ARHGAP26: variants seen among roughly 807,000 people sequenced by gnomAD.
The protein encoded by ARHGAP26 is rho GTPase-activating protein 26.
A neutral mutation model predicts 104.8 loss-of-function variants in ARHGAP26; 38 were observed. That is an observed-to-expected ratio of 0.36 (90% CI 0.28 to 0.48). The LOEUF (loss-of-function observed/expected upper bound fraction) is 0.48. Ranked by LOEUF, ARHGAP26 falls within the 20% of genes least tolerant of loss-of-function variation. ARHGAP26 has a pLI of 0.99. For missense variants in ARHGAP26, 704 were observed against 947.9 expected, an observed-to-expected ratio of 0.74 and a Z score of 3.38; for synonymous variants, 341 against 340.0, an observed-to-expected ratio of 1.00 and a Z score of -0.03.
chr5:142,826,506 C>T (rs1005452153), intron 1 of ARHGAP26, among the ~76,000 whole-genome samples: 30 of 152,368 alleles, frequency 2.0e-4, no homozygotes, highest in African/African-American at 6.5e-4. Flanking sequence ...ATTTCAACTA[C>T]GTGCTAGCAC....
chr5:142,890,175 T>A (rs1410522909), intron 5 of ARHGAP26, among the ~76,000 whole-genome samples: 1,199 of 108,662 alleles, frequency 0.011, 112 homozygotes, highest in African/African-American at 0.037. Flanking sequence ...TATATATATA[T>A]ATATATATAT....
chr5:142,892,307 C>T (rs1758772855), intron 5 of ARHGAP26, among the ~76,000 whole-genome samples: 2 of 152,002 alleles, frequency 1.3e-5, no homozygotes, highest in South Asian at 2.1e-4. Context: ...TATGGGGAGA[C>T]AGTGGAGACT....
chr5:142,861,862 C>T (rs1447318624), intron 1 of ARHGAP26, among the ~76,000 whole-genome samples: 1 of 152,128 alleles, frequency 6.6e-6, no homozygotes, highest in Non-Finnish European at 1.5e-5. Context: ...CTGTTAACCA[C>T]AAATCTAAGC....
intron 1 of ARHGAP26, among the ~76,000 whole-genome samples, chr5:142,870,181 C>G (rs1036212310): frequency 6.6e-6 from 1 of 152,220 alleles, no homozygotes; most frequent in Non-Finnish European, 1.5e-5. Context: ...GGCATGCACC[C>G]AGCACCAGTG....
chr5:142,791,222 G>A (rs1198243416), intron 1 of ARHGAP26, among the ~76,000 whole-genome samples: 1 of 152,102 alleles, frequency 6.6e-6, no homozygotes, highest in African/African-American at 2.4e-5. Context: ...TAAACCAGGT[G>A]TAACTGCTCT....
chr5:142,906,156 G>A (rs994522395), intron 8 of ARHGAP26, among the ~76,000 whole-genome samples: 16 of 152,092 alleles, frequency 1.1e-4, no homozygotes, highest in Non-Finnish European at 2.2e-4. Context: ...CTTCTCTGGG[G>A]CCACATCTGG....
intron 1 of ARHGAP26, among the ~76,000 whole-genome samples, chr5:142,864,589 G>A (rs2152320657): frequency 6.6e-6 from 1 of 152,250 alleles, no homozygotes; most frequent in East Asian, 1.9e-4. Flanking sequence ...GTGACTCAAT[G>A]AGGCAAAAAT....
chr5:142,895,087 C>A (rs1562034002), intron 6 of ARHGAP26, among the ~76,000 whole-genome samples: 1 of 152,158 alleles, frequency 6.6e-6, no homozygotes, highest in Non-Finnish European at 1.5e-5. Flanking sequence ...ATGGAAACAC[C>A]AAAATAGTAT....
chr5:142,931,652 T>C (rs1242080586), intron 10 of ARHGAP26, among the ~76,000 whole-genome samples: 3 of 152,146 alleles, frequency 2.0e-5, no homozygotes, highest in Non-Finnish European at 4.4e-5. Context: ...TTATCTTGAG[T>C]CCAGTAATTC....
intron 19 of ARHGAP26, among the ~76,000 whole-genome samples, chr5:143,145,508 A>G (rs1207890357): frequency 3.9e-5 from 6 of 152,164 alleles, no homozygotes; most frequent in Admixed American, 6.5e-5. Flanking sequence ...ATACTGATTC[A>G]TACTGATAAA....
intron 11 of ARHGAP26, among the ~76,000 whole-genome samples, chr5:142,999,410 G>A (rs1776883325): frequency 6.6e-6 from 1 of 152,100 alleles, no homozygotes; most frequent in African/African-American, 2.4e-5. Context: ...AAGGATATAT[G>A]AATCAATTTT....
chr5:142,975,628 G>A (rs1320441772), intron 11 of ARHGAP26, among the ~76,000 whole-genome samples: 3 of 152,102 alleles, frequency 2.0e-5, no homozygotes, highest in Non-Finnish European at 4.4e-5. Flanking sequence ...TTCTTTAGAT[G>A]TTTCTTGTGT....
At chr5:143,198,864 G>A (rs1444181071) in intron 20 of ARHGAP26, among the ~76,000 whole-genome samples, 2 of 152,126 alleles carry the variant, frequency 1.3e-5, no homozygotes, top group Non-Finnish European at 2.9e-5. Context: ...TGTTCCATGG[G>A]TATATTGTGT....
intron 17 of ARHGAP26, among the ~76,000 whole-genome samples, chr5:143,069,064 C>A (rs943650220): frequency 6.6e-6 from 1 of 152,142 alleles, no homozygotes; most frequent in Non-Finnish European, 1.5e-5. Flanking sequence ...AGGACTCTGT[C>A]CTTCAGGCCT....
At chr5:142,797,215 T>C (rs1761154911) in intron 1 of ARHGAP26, among the ~76,000 whole-genome samples, 1 of 152,224 alleles carries the variant, frequency 6.6e-6, no homozygotes, top group African/African-American at 2.4e-5. Flanking sequence ...CTTTGGGAGA[T>C]AAATGCTAGG....
intron 19 of ARHGAP26, among the ~76,000 whole-genome samples, chr5:143,135,008 T>A (rs1797756025): frequency 6.6e-6 from 1 of 152,246 alleles, no homozygotes; most frequent in African/African-American, 2.4e-5. Flanking sequence ...TACCAGGGAC[T>A]GGGAATATAA....
chr5:143,189,954 A>C (rs1381792642), intron 20 of ARHGAP26, among the ~76,000 whole-genome samples: 1 of 152,070 alleles, frequency 6.6e-6, no homozygotes, highest in Non-Finnish European at 1.5e-5. Context: ...AGTAGTAAAC[A>C]AGGCTAAGGC....
Position 142,874,585 on chromosome 5 carries a change from G to A in ARHGAP26, c.251-525G>A, listed in dbSNP as rs562610826. On this transcript the variant is annotated intron_variant, in intron 2 of 22. Transcript: ENST00000645722. ...AATTTTGGCAAAGACGACTGTTCAT[G>A]TATGAGCACCATGCTTCGAGCTGCA... 3.9e-5 allele frequency among the ~76,000 whole-genome samples: 6 copies of A among 152,324 alleles called. No individual in the cohort carries two copies. The East Asian group carries it at 7.7e-4, about 20-fold the overall frequency.
At chr5:143,072,139 A>G (rs1237000054) in intron 17 of ARHGAP26, among the ~76,000 whole-genome samples, 2 of 152,206 alleles carry the variant, frequency 1.3e-5, no homozygotes, top group Non-Finnish European at 2.9e-5. Flanking sequence ...AAGAAGACAG[A>G]TGGCCTGCAA....
Sources: allele counts gnomAD v4.1 joint callset (sites outside exome capture counted in the v4.1 genomes callset), GRCh38; gene constraint gnomAD v4.1.1; transcripts MANE v1.5; gene names NCBI Gene and HGNC (gene_info 2026-07-23, HGNC 2026-07-21).